RBFOX1: variants seen among roughly 807,000 people sequenced by gnomAD.
The protein encoded by RBFOX1 is RNA binding fox-1 homolog 1.
A neutral mutation model predicts 57.7 loss-of-function variants in RBFOX1; 8 were observed. That is an observed-to-expected ratio of 0.14 (90% CI 0.08 to 0.25). The LOEUF (loss-of-function observed/expected upper bound fraction) is 0.25. RBFOX1 is among the 10% of genes least tolerant of loss of function. RBFOX1 has a pLI of 1.00. For synonymous variants in RBFOX1, 326 were observed against 222.4 expected, an observed-to-expected ratio of 1.47 and a Z score of -4.15; for missense variants, 611 against 548.5, an observed-to-expected ratio of 1.11 and a Z score of -1.14.
At chr16:6,220,569 A>G (rs1317436992) in intron 1 of RBFOX1, among the ~76,000 whole-genome samples, 1 of 152,234 alleles carries the variant, frequency 6.6e-6, no homozygotes, top group African/African-American at 2.4e-5. Flanking sequence ...TTGATTAACC[A>G]AAACACAGTG....
chr16:7,353,683 C>A (rs1378998161), intron 4 of RBFOX1, among the ~76,000 whole-genome samples: 2 of 152,088 alleles, frequency 1.3e-5, no homozygotes, highest in Non-Finnish European at 2.9e-5. Context: ...GAATGTTGTA[C>A]TAAGTGAGTG....
chr16:7,265,133 G>A (rs1259539807), intron 4 of RBFOX1, among the ~76,000 whole-genome samples: 1 of 152,216 alleles, frequency 6.6e-6, no homozygotes. Context: ...ACTCTGTTCT[G>A]CGCACTAAGG....
intron 3 of RBFOX1, among the ~76,000 whole-genome samples, chr16:6,999,229 ATTTT>A (rs1208010446): frequency 3.0e-5 from 2 of 66,798 alleles, no homozygotes; most frequent in Non-Finnish European, 6.3e-5. Context: ...TTTTTTATTT[ATTTT>A]TTTTTTTAGA....
chr16:5,865,942 G>A (rs963634462), intron 3 of RBFOX1, among the ~76,000 whole-genome samples: 1 of 151,998 alleles, frequency 6.6e-6, no homozygotes, highest in African/African-American at 2.4e-5. Context: ...GAGAAAGAAA[G>A]TAAGTTCTCT....
At chr16:5,879,644 G>C (rs894254345) in intron 4 of RBFOX1, among the ~76,000 whole-genome samples, 8 of 152,096 alleles carry the variant, frequency 5.3e-5, no homozygotes, top group African/African-American at 1.9e-4. Flanking sequence ...TTCTTATTTA[G>C]TTCATACATT....
chr16:7,086,275 C>T (rs1056601773), intron 4 of RBFOX1, among the ~76,000 whole-genome samples: 3 of 152,044 alleles, frequency 2.0e-5, no homozygotes, highest in East Asian at 1.9e-4. Context: ...ACAAGGGGCT[C>T]GGTTAAGCAG....
chr16:6,596,858 A>G lies in RBFOX1; in HGVS notation c.-63-57745A>G, dbSNP rs571122851. Among the ~76,000 whole-genome samples the G allele has an allele frequency of 7.2e-5, 11 of 152,316 alleles. 1 individual carries two copies. In the South Asian group the frequency reaches 1.7e-3, roughly 23 times the overall value. On this transcript the variant is annotated intron_variant, in intron 2 of 15. Coordinates refer to ENST00000550418, the MANE Select transcript of RBFOX1 (RefSeq NM_018723.4). ...ACAGCTGATAGTTCTATATAGTGCTATATCGAGATAGAGAAATAGCTAAAG... is the reference window on the plus strand; with the variant it reads ...ACAGCTGATAGTTCTATATAGTGCTGTATCGAGATAGAGAAATAGCTAAAG...
chr16:7,398,295 C>T (rs183325045), intron 4 of RBFOX1, among the ~76,000 whole-genome samples: 1 of 152,178 alleles, frequency 6.6e-6, no homozygotes, highest in Non-Finnish European at 1.5e-5. Flanking sequence ...GTGACACTTA[C>T]AGGATGCTTA....
chr16:6,809,220 G>A (rs759399065), intron 3 of RBFOX1, among the ~76,000 whole-genome samples: 5 of 152,148 alleles, frequency 3.3e-5, no homozygotes, highest in Admixed American at 2.6e-4. Context: ...CTACGCTGGA[G>A]TCTCTGAATC....
intron 1 of RBFOX1, among the ~76,000 whole-genome samples, chr16:6,312,878 C>T (rs1030163393): frequency 6.6e-6 from 1 of 152,122 alleles, no homozygotes; most frequent in Non-Finnish European, 1.5e-5. Context: ...CCACACAGCT[C>T]CTGCCCTCAT....
rs577477185 is a variant in RBFOX1, at chr16:6,485,422, T to C, written c.-64+168365T>C. On this transcript the variant is annotated intron_variant, in intron 2 of 15. Transcript: ENST00000550418. ...CTTATCCCATTTTTTTTCATCTACG[T>C]GTATTTCTTTCCATCTTTCTGTCTT... Among the ~76,000 whole-genome samples, 4 of 152,234 alleles carry C rather than the reference T, an allele frequency of 2.6e-5. 1 individual carries two copies. The highest frequency in any genetic ancestry group is 9.6e-5 in the African/African-American group (4 of 41,540).
chr16:6,464,140 A>G (rs2094985819), intron 2 of RBFOX1, among the ~76,000 whole-genome samples: 1 of 152,184 alleles, frequency 6.6e-6, no homozygotes, highest in African/African-American at 2.4e-5. Context: ...CCTGCATGTA[A>G]ATGTTGGTAT....
intron 3 of RBFOX1, among the ~76,000 whole-genome samples, chr16:5,756,489 C>G (rs1410419468): frequency 6.6e-6 from 1 of 152,114 alleles, no homozygotes; most frequent in Non-Finnish European, 1.5e-5. Flanking sequence ...AGGCTGGTTT[C>G]TTACCTCCTT....
intron 4 of RBFOX1, among the ~76,000 whole-genome samples, chr16:7,450,392 CAAAA>C (rs57188328): frequency 1.3e-4 from 9 of 69,596 alleles, no homozygotes; most frequent in Admixed American, 1.1e-3. Flanking sequence ...GACTCTGTCT[CAAAA>C]AAAAAAAAAA....
chr16:6,930,401 G>T (rs1325826375), intron 3 of RBFOX1, among the ~76,000 whole-genome samples: 1 of 151,988 alleles, frequency 6.6e-6, no homozygotes, highest in Non-Finnish European at 1.5e-5. Context: ...CATCAGGATG[G>T]CTATTTTTGT....
intron 2 of RBFOX1, among the ~76,000 whole-genome samples, chr16:5,542,071 G>A (rs1356526886): frequency 6.6e-6 from 1 of 152,100 alleles, no homozygotes; most frequent in Admixed American, 6.6e-5. Context: ...AAAGAAAACA[G>A]CCTCTTGAGG....
intron 12 of RBFOX1, among the ~76,000 whole-genome samples, chr16:7,656,998 C>G (rs1271384863): frequency 1.3e-5 from 2 of 152,148 alleles, no homozygotes; most frequent in Non-Finnish European, 2.9e-5. Flanking sequence ...TAAGATGTCA[C>G]CTAACAAACT....
Position 6,961,236 on chromosome 16 carries a change from T to A in RBFOX1, c.-15-90821T>A, listed in dbSNP as rs528803795. Among the ~76,000 whole-genome samples, 7 of 152,212 alleles carry A rather than the reference T, an allele frequency of 4.6e-5. No homozygotes were observed. The East Asian group carries it at 1.2e-3, about 25-fold the overall frequency. ...GTAAGCTGATAGGATGTCCCTGAGC[T>A]GCTGATGGCCATTTTCTCAGAACCT... On this transcript the variant is annotated intron_variant, in intron 3 of 15. Coordinates refer to ENST00000550418, the MANE Select transcript of RBFOX1 (RefSeq NM_018723.4).
At chr16:5,474,627 C>T (rs553179970) in intron 2 of RBFOX1, among the ~76,000 whole-genome samples, 2 of 151,566 alleles carry the variant, frequency 1.3e-5, no homozygotes, top group South Asian at 2.1e-4. Context: ...GCACTCCAGC[C>T]TGGGGGACAA....
Sources: gnomAD v4.1 joint callset for allele counts (sites outside exome capture counted in the v4.1 genomes callset) on GRCh38, gnomAD v4.1.1 for gene constraint, MANE v1.5 for transcripts, NCBI Gene and HGNC (gene_info 2026-07-23, HGNC 2026-07-21) for gene names.